Variants in GLIS1 observed in about 807,000 individuals in gnomAD.
GLIS1 encodes zinc finger protein GLIS1.
GLIS1 carries 24 observed loss-of-function variants against 63.8 expected under a neutral mutation model. The observed-to-expected ratio is 0.38, with a 90% confidence interval of 0.27 to 0.53. The LOEUF (loss-of-function observed/expected upper bound fraction) is 0.53, where lower values mean the gene tolerates loss of function less well. Ranked by LOEUF, GLIS1 falls within the 20% of genes least tolerant of loss-of-function variation. The pLI is 0.85. For missense variants in GLIS1, 1,036 were observed against 1,074.1 expected (o/e 0.96, Z 0.50); for synonymous variants, 450 against 482.5 (o/e 0.93, Z 0.88).
At chr1:53,553,458 A>G (rs503166) in intron 4 of GLIS1, among the ~76,000 whole-genome samples, 80,107 of 149,064 alleles carry the variant, frequency 0.54, 22,450 homozygotes, top group East Asian at 0.76. Flanking sequence ...CCAAGAAGCT[A>G]AGCATCATTC....
intron 6 of GLIS1, among the ~76,000 whole-genome samples, chr1:53,523,857 T>C (rs1220483201): frequency 6.6e-6 from 1 of 152,180 alleles, no homozygotes; most frequent in Non-Finnish European, 1.5e-5. Flanking sequence ...TGGCACCCAC[T>C]GTGCCCTGGA....
intron 2 of GLIS1, among the ~76,000 whole-genome samples, chr1:53,670,577 A>G (rs1296413224): frequency 6.6e-6 from 1 of 152,186 alleles, no homozygotes; most frequent in African/African-American, 2.4e-5. Context: ...CCCCTAACAC[A>G]CCAGCCACAT....
At chr1:53,586,151 A>T (rs1007805877) in intron 4 of GLIS1, among the ~76,000 whole-genome samples, 2 of 152,208 alleles carry the variant, frequency 1.3e-5, no homozygotes, top group African/African-American at 4.8e-5. Context: ...GCTTCCAGGA[A>T]GCCTCTCCTT....
intron 2 of GLIS1, among the ~76,000 whole-genome samples, chr1:53,695,055 C>T (rs2100473054): frequency 6.6e-6 from 1 of 150,900 alleles, no homozygotes; most frequent in Non-Finnish European, 1.5e-5. Context: ...TCAATGAAAA[C>T]ATTACAATCC....
chr1:53,686,924 C>T (rs1646342932), intron 2 of GLIS1, among the ~76,000 whole-genome samples: 1 of 152,160 alleles, frequency 6.6e-6, no homozygotes, highest in African/African-American at 2.4e-5. Flanking sequence ...GTGTCCATCA[C>T]CTAACTGAAC....
intron 4 of GLIS1, among the ~76,000 whole-genome samples, chr1:53,559,328 C>T (rs1270741697): frequency 2.6e-5 from 4 of 152,180 alleles, no homozygotes; most frequent in Non-Finnish European, 5.9e-5. Context: ...GGACCTCAGG[C>T]TACAATCCCA....
In GLIS1 at chr1:53,681,143, C is replaced by T. The variant is rs534767721; in HGVS notation, c.259+56663G>A. Among the ~76,000 whole-genome samples the T allele has an allele frequency of 3.3e-5, 5 of 149,564 alleles. No individual in the cohort carries two copies. The South Asian group carries it at 8.5e-4, about 25-fold the overall frequency. ...GAAATTAAGTTAAAGAGGAAAACTC[C>T]AGCACTCCTCCACTGCTCCGTGATC... On this transcript the variant is annotated intron_variant, in intron 2 of 10. Coordinates refer to ENST00000628545, the MANE Select transcript of GLIS1 (RefSeq NM_001367484.1).
intron 2 of GLIS1, among the ~76,000 whole-genome samples, chr1:53,655,563 C>T (rs1249523655): frequency 7.2e-5 from 11 of 152,152 alleles, no homozygotes; most frequent in Non-Finnish European, 5.9e-5. Context: ...CATGGAGGCT[C>T]ATCACCATTA....
At chr1:53,690,526 G>A (rs576459752) in intron 2 of GLIS1, among the ~76,000 whole-genome samples, 2 of 152,368 alleles carry the variant, frequency 1.3e-5, no homozygotes, top group East Asian at 1.9e-4. Flanking sequence ...TGGCTTCAAC[G>A]TCTGCATCTG....
In GLIS1 at chr1:53,594,728, C is replaced by T. The variant is rs572356037; in HGVS notation, c.700G>A (p.Glu234Lys). The T allele has an allele frequency of 7.7e-6, 12 of 1,567,796 alleles. No homozygotes were observed. Among genetic ancestry groups the T allele is most frequent in the South Asian group, 7.2e-5 (6 of 83,074 alleles). The change falls in exon 4 of 11, where the codon GAG (glutamate) becomes AAG (lysine). Residue 234 changes from glutamate (E) to lysine (K), a missense_variant. By Grantham distance (56) the Glu-to-Lys change is moderately conservative (BLOSUM62 1). Transcript: ENST00000628545. ...ACGCAGCACCGCTTCAGGCTGCCCT[C>T]GGGGAGGTGGGTCTCGGGCTGGAGG... ...LGLQPETHLP[E>K]GSLKRCCVLG...
chr1:53,733,736 G>A (rs1646886944), intron 2 of GLIS1, among the ~76,000 whole-genome samples: 1 of 152,148 alleles, frequency 6.6e-6, no homozygotes, highest in Non-Finnish European at 1.5e-5. Flanking sequence ...CACTGAGCCT[G>A]ACATTTGGCC....
intron 4 of GLIS1, among the ~76,000 whole-genome samples, chr1:53,531,577 C>G (rs1644531416): frequency 6.6e-6 from 1 of 152,240 alleles, no homozygotes; most frequent in Admixed American, 6.5e-5. Flanking sequence ...TGGCTCCAGT[C>G]TGCGGTGAGT....
chr1:53,569,976 A>G (rs1336166298), intron 4 of GLIS1, among the ~76,000 whole-genome samples: 1 of 152,162 alleles, frequency 6.6e-6, no homozygotes, highest in African/African-American at 2.4e-5. Context: ...TAATCATATA[A>G]AGAGGTCCTA....
intron 2 of GLIS1, among the ~76,000 whole-genome samples, chr1:53,719,309 T>C (rs1557539765): frequency 1.3e-5 from 2 of 152,186 alleles, no homozygotes; most frequent in Admixed American, 6.5e-5. Context: ...AGAGCCCTTC[T>C]CTCTTGAGTT....
chr1:53,687,133 GT>G (rs973711712), intron 2 of GLIS1, among the ~76,000 whole-genome samples: 44 of 152,324 alleles, frequency 2.9e-4, no homozygotes, highest in African/African-American at 1.0e-3. Context: ...TTAAGGAAAG[GT>G]TTTCCCAGGA....
At position 53,634,280 on chromosome 1, in the gene GLIS1, T is replaced by C. The variant is rs556345498; in HGVS notation, c.260-34002A>G. Among the ~76,000 whole-genome samples the C allele has an allele frequency of 7.9e-5, 12 of 152,232 alleles. No homozygotes were observed. In the East Asian group the frequency reaches 1.7e-3, roughly 22 times the overall value. ...AGGTCTGGAGATAACTTTGGATCCA[T>C]AGCAAGTAGACAGTGTTTGAAATGC... On this transcript the variant is annotated intron_variant, in intron 2 of 10. Coordinates refer to ENST00000628545, the MANE Select transcript of GLIS1 (RefSeq NM_001367484.1).
Position 53,594,222 on chromosome 1 carries a change from C to T in GLIS1, c.1206G>A (p.Glu402=), listed in dbSNP as rs1244790736. ...EKSHIDQRKG[E]DFTCFWAGCV... Reference sequence around the variant, plus strand: ...AGCCAGCCCAGAAGCAGGTGAAGTCCTCGCCCTTGCGCTGGTCGATGTGGC... The same window carrying T: ...AGCCAGCCCAGAAGCAGGTGAAGTCTTCGCCCTTGCGCTGGTCGATGTGGC... The change falls in exon 4 of 11, where the codon GAG becomes GAA. Residue 402 remains glutamate, a synonymous_variant. Transcript: ENST00000628545. 3 of 1,613,934 alleles carry T rather than the reference C, an allele frequency of 1.9e-6. No individual in the cohort carries two copies. The highest frequency in any genetic ancestry group is 2.5e-6 in the Non-Finnish European group (3 of 1,179,988).
At chr1:53,706,123 T>A (rs1185389947) in intron 2 of GLIS1, among the ~76,000 whole-genome samples, 1 of 152,202 alleles carries the variant, frequency 6.6e-6, no homozygotes, top group African/African-American at 2.4e-5. Context: ...GATACTATTA[T>A]TATGCTAATT....
chr1:53,736,108 G>C (rs1646910084), intron 2 of GLIS1, among the ~76,000 whole-genome samples: 1 of 152,184 alleles, frequency 6.6e-6, no homozygotes. Context: ...ATGAAGAAAA[G>C]TTGTGAAACC....
Sources: gnomAD v4.1 joint callset for allele counts (sites outside exome capture counted in the v4.1 genomes callset) on GRCh38, gnomAD v4.1.1 for gene constraint, MANE v1.5 for transcripts, NCBI Gene and HGNC (gene_info 2026-07-23, HGNC 2026-07-21) for gene names.